Variants in CNTN6 observed in about 807,000 individuals in gnomAD.
The protein encoded by CNTN6 is contactin 6.
CNTN6 carries 137 observed loss-of-function variants against 122.8 expected under a neutral mutation model. The observed-to-expected ratio is 1.12, with a 90% CI of 0.97 to 1.29. CNTN6 has a LOEUF of 1.29. CNTN6 is among the 50% of genes most tolerant of loss of function. The pLI, the probability that CNTN6 is intolerant of heterozygous loss-of-function variation, is 0.00. For missense variants in CNTN6, 1,634 were observed against 1,223.4 expected, an observed-to-expected ratio of 1.34 and a Z score of -5.01; for synonymous variants, 570 against 426.0, an observed-to-expected ratio of 1.34 and a Z score of -4.16.
rs966931994 is a variant in CNTN6 at position 1,360,829 on chromosome 3, C to A, written c.1492+8378C>A. On this transcript the variant is annotated intron_variant, in intron 12 of 22. Transcript: ENST00000446702. ...TAACCTTGAACTCCTGATTCTTACT[C>A]CCCAAACTTGTTTCTACTGTCTTCT... 2.0e-5 allele frequency among the ~76,000 whole-genome samples: 3 copies of A among 152,062 alleles called. No homozygotes were observed. The East Asian group carries it at 5.8e-4, about 29-fold the overall frequency.
chr3:1,355,682 G>A (rs1706432301), intron 12 of CNTN6, among the ~76,000 whole-genome samples: 1 of 151,684 alleles, frequency 6.6e-6, no homozygotes, highest in African/African-American at 2.4e-5. Flanking sequence ...CAAAATCAGT[G>A]TATAGTGACC....
chr3:1,204,300 C>T (rs1054356705), intron 2 of CNTN6, among the ~76,000 whole-genome samples: 3 of 152,052 alleles, frequency 2.0e-5, no homozygotes, highest in Non-Finnish European at 2.9e-5. Context: ...TTTTAAAAAA[C>T]GCTTTTAGTT....
chr3:1,213,141 A>T (rs1265688793), intron 2 of CNTN6, among the ~76,000 whole-genome samples: 1 of 152,208 alleles, frequency 6.6e-6, no homozygotes, highest in Non-Finnish European at 1.5e-5. Context: ...GAAAACCACT[A>T]ATCATTCTCA....
intron 1 of CNTN6, among the ~76,000 whole-genome samples, chr3:1,114,565 G>C (rs534992511): frequency 1.3e-5 from 2 of 152,210 alleles, no homozygotes; most frequent in South Asian, 4.1e-4. Context: ...AGGTCAATAG[G>C]AACACAGGGA....
At chr3:1,152,792 A>C (rs2092877062) in intron 2 of CNTN6, among the ~76,000 whole-genome samples, 1 of 152,208 alleles carries the variant, frequency 6.6e-6, no homozygotes. Context: ...TGTTCTTATG[A>C]GTTAACCAGG....
At chr3:1,372,976 A>T in intron 14 of CNTN6, 21 bp downstream of exon 14, 2 of 1,345,524 alleles carry the variant, frequency 1.5e-6, no homozygotes, top group Non-Finnish European at 2.1e-6. Context: ...ATGGTGAAAA[A>T]GTGATCACAT....
At chr3:1,361,019 A>C (rs2126103704) in intron 12 of CNTN6, among the ~76,000 whole-genome samples, 1 of 152,190 alleles carries the variant, frequency 6.6e-6, no homozygotes, top group African/African-American at 2.4e-5. Flanking sequence ...CGCTTCAATG[A>C]CCAAACTTTA....
chr3:1,108,102 T>A (rs181764956), intron 1 of CNTN6, among the ~76,000 whole-genome samples: 3 of 152,192 alleles, frequency 2.0e-5, no homozygotes, highest in Admixed American at 2.0e-4. Context: ...AATAAAAAAA[T>A]TTAATCCATT....
At chr3:1,348,858 G>A (rs1224573774) in intron 11 of CNTN6, among the ~76,000 whole-genome samples, 2 of 151,886 alleles carry the variant, frequency 1.3e-5, no homozygotes, top group Non-Finnish European at 2.9e-5. Context: ...TTAAGCATTC[G>A]ATGAGTTGAC....
intron 1 of CNTN6, among the ~76,000 whole-genome samples, chr3:1,116,607 T>C (rs192049367): frequency 2.0e-5 from 3 of 152,162 alleles, no homozygotes; most frequent in Admixed American, 1.3e-4. Context: ...TAGAATTATA[T>C]TGGAAAACTG....
chr3:1,384,764 T>TAC (rs1559989897), intron 19 of CNTN6, among the ~76,000 whole-genome samples: 13 of 119,464 alleles, frequency 1.1e-4, no homozygotes, highest in East Asian at 2.3e-4. Flanking sequence ...TATATACATA[T>TAC]ATATACACAT....
intron 19 of CNTN6, among the ~76,000 whole-genome samples, chr3:1,384,265 GATTA>G (rs775364059): frequency 6.6e-6 from 1 of 151,666 alleles, no homozygotes; most frequent in Non-Finnish European, 1.5e-5. Flanking sequence ...GTGATTATAT[GATTA>G]ATTATTCAAA....
At chr3:1,350,938 A>G (rs1307792907) in intron 11 of CNTN6, among the ~76,000 whole-genome samples, 1 of 151,928 alleles carries the variant, frequency 6.6e-6, no homozygotes, top group Non-Finnish European at 1.5e-5. Flanking sequence ...TACTCTGTCA[A>G]TAATGGCATA....
chr3:1,386,344 T>G (rs1692929965), intron 20 of CNTN6, among the ~76,000 whole-genome samples: 1 of 152,190 alleles, frequency 6.6e-6, no homozygotes, highest in Admixed American at 6.5e-5. Context: ...CCTTTTAGGA[T>G]ACCTTATTAC....
intron 2 of CNTN6, among the ~76,000 whole-genome samples, chr3:1,161,627 G>T (rs2093134429): frequency 6.6e-6 from 1 of 151,692 alleles, no homozygotes; most frequent in Admixed American, 6.6e-5. Flanking sequence ...ATGCTGCTCT[G>T]TTGAGCTATG....
At chr3:1,273,348 A>G (rs1489467497) in intron 4 of CNTN6, among the ~76,000 whole-genome samples, 1 of 152,198 alleles carries the variant, frequency 6.6e-6, no homozygotes, top group Non-Finnish European at 1.5e-5. Context: ...GATAGGACAA[A>G]AATAGAAACT....
At chr3:1,249,178 G>C (rs17210194) in intron 4 of CNTN6, among the ~76,000 whole-genome samples, 6,919 of 152,200 alleles carry the variant, frequency 0.045, 198 homozygotes, top group East Asian at 0.082. Flanking sequence ...GTCAACACAA[G>C]GTGATAGAAG....
intron 2 of CNTN6, among the ~76,000 whole-genome samples, chr3:1,151,130 T>TA (rs1054655160): frequency 6.6e-6 from 1 of 152,220 alleles, no homozygotes; most frequent in Non-Finnish European, 1.5e-5. Context: ...TGTACTGTTT[T>TA]AAGCCATAAC....
intron 4 of CNTN6, among the ~76,000 whole-genome samples, chr3:1,274,606 A>G (rs1192052096): frequency 6.6e-6 from 1 of 152,216 alleles, no homozygotes; most frequent in Non-Finnish European, 1.5e-5. Context: ...CAATGTTTAC[A>G]AAAAGAACAC....
Sources: allele counts gnomAD v4.1 joint callset (sites outside exome capture counted in the v4.1 genomes callset), GRCh38; gene constraint gnomAD v4.1.1; transcripts MANE v1.5; gene names NCBI Gene and HGNC (gene_info 2026-07-23, HGNC 2026-07-21).